The following ARHGEF37 variants were observed in gnomAD, a reference collection of about 807,000 sequenced individuals.
ARHGEF37 encodes Rho guanine nucleotide exchange factor (GEF) 37.
ARHGEF37 carries 55 observed loss-of-function variants against 71.1 expected under a neutral mutation model. The observed-to-expected ratio is 0.77, with a 90% CI of 0.62 to 0.97. The LOEUF (loss-of-function observed/expected upper bound fraction) is 0.97, where lower values mean the gene tolerates loss of function less well. Among genes scored for constraint, ARHGEF37 ranks in the 50% least tolerant of loss-of-function variants. ARHGEF37 has a pLI of 0.00. For missense variants in ARHGEF37, 765 were observed against 836.8 expected, an observed-to-expected ratio of 0.91 and a Z score of 1.06; for synonymous variants, 327 against 350.6, an observed-to-expected ratio of 0.93 and a Z score of 0.75.
At chr5:149,603,355 A>G (rs1399319297) in intron 3 of ARHGEF37, among the ~76,000 whole-genome samples, 1 of 152,216 alleles carries the variant, frequency 6.6e-6, no homozygotes, top group African/African-American at 2.4e-5. Context: ...AGATACCATT[A>G]TCTCATTTTA....
In ARHGEF37 at chr5:149,618,265, C is replaced by G. The variant is rs539105513; in HGVS notation, c.748C>G (p.Leu250Val). Residue 250 changes from leucine (L) to valine (V), a missense_variant, in exon 6 of 13, where the codon CTG becomes GTG. Physicochemically the swap from Leu to Val is conservative, Grantham distance 32. Coordinates refer to ENST00000333677, the MANE Select transcript of ARHGEF37 (RefSeq NM_001001669.3). ...CACCCTCTCCAAGAAGACCACCCGGCTGAGCCAGCTGCTGAAGCAGGAGGC... is the reference window on the plus strand; with the variant it reads ...CACCCTCTCCAAGAAGACCACCCGGGTGAGCCAGCTGCTGAAGCAGGAGGC... ...THTLSKKTTR[L>V]SQLLKQEAGL... 2 of 1,614,118 alleles carry G rather than the reference C, an allele frequency of 1.2e-6. No individual in the cohort carries two copies. The highest frequency in any genetic ancestry group is 1.1e-5 in the South Asian group (1 of 91,086).
At chr5:149,559,400 G>A (rs979702359) in intron 1 of ARHGEF37, among the ~76,000 whole-genome samples, 3 of 152,120 alleles carry the variant, frequency 2.0e-5, no homozygotes, top group Non-Finnish European at 4.4e-5. Flanking sequence ...GTGATTTGTC[G>A]GAGACCTGTT....
At chr5:149,555,626 G>C (rs1472572959) in intron 1 of ARHGEF37, among the ~76,000 whole-genome samples, 9 of 152,144 alleles carry the variant, frequency 5.9e-5, no homozygotes, top group Admixed American at 5.9e-4. Context: ...GCAATTTAGA[G>C]TACTTTCACA....
Position 149,624,044 on chromosome 5 carries a change from C to T in ARHGEF37, c.1368C>T (p.Phe456=). ...ACCACCACGTCCCAGAGCCTGCCTT[C>T]AGGAAGCTGGTGGAGGACGCACTGG... ...LPHHHVPEPA[F]RKLVEDALGR... is the part of the protein sequence containing the mutation. Residue 456 remains phenylalanine (F), a synonymous_variant, in exon 10 of 13, where the codon TTC becomes TTT. Transcript: ENST00000333677. 1 of 1,607,022 alleles carries T rather than the reference C, an allele frequency of 6.2e-7. No homozygotes were observed. The highest frequency in any genetic ancestry group is 8.5e-7 in the Non-Finnish European group (1 of 1,174,092).
intron 1 of ARHGEF37, among the ~76,000 whole-genome samples, chr5:149,573,433 A>C (rs1762990832): frequency 6.6e-6 from 1 of 151,250 alleles, no homozygotes; most frequent in Admixed American, 6.6e-5. Flanking sequence ...ACATTTCCTT[A>C]CTTCATTCAC....
In ARHGEF37 at chr5:149,633,319, C is replaced by G. The variant is rs1222309462; in HGVS notation, c.*1128C>G. On this transcript the variant is annotated 3_prime_UTR_variant, in exon 13 of 13. Transcript: ENST00000333677. ...GTGGCCCCCGGCATGCTGCCCTCCC[C>G]CACGCCCATGCCTGTGGCAGCAAAC... is the stretch of plus-strand genomic sequence containing the variant. 1 of 152,438 alleles carries G rather than the reference C, an allele frequency of 6.6e-6. No individual in the cohort carries two copies. The allele number at this position is 152,438 out of a possible 1,614,324, so 9.4% of individuals were successfully genotyped here. A position where few individuals can be genotyped will look rare whatever the true frequency, so the allele number is the denominator to read the frequency against.
At chr5:149,626,898 G>A (rs1326562935) in intron 10 of ARHGEF37, 178 bp from the exon 11 acceptor site, 1 of 492,530 alleles carries the variant, frequency 2.0e-6, no homozygotes, top group Non-Finnish European at 3.5e-6. Context: ...GCCGTAGGCT[G>A]CTAAGAGCCA....
intron 1 of ARHGEF37, among the ~76,000 whole-genome samples, chr5:149,592,451 TC>T (rs1385856079): frequency 6.6e-6 from 1 of 152,230 alleles, no homozygotes; most frequent in Non-Finnish European, 1.5e-5. Context: ...TCGAGAGCCA[TC>T]CAAGCTGTTG....
At chr5:149,626,928 C>T (rs967754017) in intron 10 of ARHGEF37, 148 bp from the exon 11 acceptor site, 1 of 639,174 alleles carries the variant, frequency 1.6e-6, no homozygotes, top group Non-Finnish European at 2.5e-6. Context: ...TAGTGAGGGC[C>T]CTGTTGCCCT....
rs996301352 is a variant in ARHGEF37, at chr5:149,627,136, A to G, written c.1525A>G (p.Lys509Glu). The change falls in exon 11 of 13, where the codon AAG becomes GAG. Residue 509 changes from lysine (K) to glutamate (E), a missense_variant. This residue lies in a region of ARHGEF37 where 390 missense variants were observed against 407.4 expected (regional missense o/e 0.96). Coordinates refer to ENST00000333677, the MANE Select transcript of ARHGEF37 (RefSeq NM_001001669.3). ...QALLSRYGPG[K>E]LYQVTSNISG... The stretch of plus-strand genomic sequence containing the variant: ...TCTCCTGAGCAGGTATGGCCCTGGG[A>G]AGCTGTACCAGGTGACAAGCAACAT... 3.1e-6 allele frequency: 5 copies of G among 1,614,156 alleles called. No homozygotes were observed. Among genetic ancestry groups the G allele is most frequent in the Non-Finnish European group, 3.4e-6 (4 of 1,180,040 alleles).
chr5:149,569,924 T>C (rs764969574), intron 1 of ARHGEF37, among the ~76,000 whole-genome samples: 1 of 152,198 alleles, frequency 6.6e-6, no homozygotes, highest in Non-Finnish European at 1.5e-5. Context: ...CCTGACCATA[T>C]GTTTAACTTT....
chr5:149,628,053 C>T (rs1002302383), intron 11 of ARHGEF37, among the ~76,000 whole-genome samples: 20 of 152,098 alleles, frequency 1.3e-4, no homozygotes, highest in African/African-American at 3.9e-4. Context: ...ATTAAGAAAG[C>T]GGTACAAATC....
At chr5:149,627,792 G>A (rs1167130460) in intron 11 of ARHGEF37, among the ~76,000 whole-genome samples, 1 of 152,224 alleles carries the variant, frequency 6.6e-6, no homozygotes, top group African/African-American at 2.4e-5. Flanking sequence ...GTGGCACCAT[G>A]AATCCAGGTG....
rs761548819 is a variant in ARHGEF37 at position 149,601,186 on chromosome 5, C to G, written c.265C>G (p.Leu89Val). The change falls in exon 3 of 13, where the codon CTG (leucine) becomes GTG (valine). Residue 89 changes from leucine to valine, a missense_variant. Physicochemically the swap from Leu to Val is conservative, Grantham distance 32 (BLOSUM62 1). Around this residue, in one of 5 missense-constraint regions of ARHGEF37, gnomAD observed 201 missense variants for 217.5 expected, o/e 0.92. Coordinates refer to ENST00000333677, the MANE Select transcript of ARHGEF37 (RefSeq NM_001001669.3). ...AGTGAACAGCAGATTCCTCCATGAT[C>G]TGCAGGAGACAGCCTCCAAGGAAGA... ...IKVNSRFLHD[L>V]QETASKEEEQ... is the part of the protein sequence containing the mutation. 8.7e-6 allele frequency: 14 copies of G among 1,613,164 alleles called. 1 individual carries two copies. The South Asian group carries it at 1.4e-4, about 16-fold the overall frequency.
rs74564350 is a variant in ARHGEF37, at chr5:149,570,604, G to A, written c.-12+18481G>A. On this transcript the variant is annotated intron_variant, in intron 1 of 2. Coordinates refer to the ARHGEF37 transcript ENST00000505810. ...AAAAAAAAAAAAAGTTTGGCCAGGC[G>A]CGGTGGCTCACACCTGTAATCCCAA... 0.016 allele frequency among the ~76,000 whole-genome samples: 2,386 copies of A among 150,816 alleles called. 261 individuals carry two copies. The East Asian group carries it at 0.31, about 20-fold the overall frequency.
chr5:149,611,164 G>T (rs1293863265), intron 4 of ARHGEF37, among the ~76,000 whole-genome samples: 9 of 152,180 alleles, frequency 5.9e-5, no homozygotes, highest in Non-Finnish European at 1.5e-5. Context: ...GGTCTTAGCT[G>T]GGAACTGGCA....
chr5:149,618,328 A>G, intron 6 of ARHGEF37, 22 bp downstream of exon 6: 1 of 1,613,810 alleles, frequency 6.2e-7, no homozygotes, highest in Non-Finnish European at 8.5e-7. Flanking sequence ...CCTGGGAGGA[A>G]GAGTCACATC....
intron 1 of ARHGEF37, among the ~76,000 whole-genome samples, chr5:149,586,264 G>GT (rs1444875651): frequency 6.6e-6 from 1 of 152,060 alleles, no homozygotes; most frequent in East Asian, 1.9e-4. Flanking sequence ...ATGTTTTTCT[G>GT]TTTTTTGTTT....
At chr5:149,595,817 A>G (rs1189725322) in intron 1 of ARHGEF37, among the ~76,000 whole-genome samples, 1 of 152,096 alleles carries the variant, frequency 6.6e-6, no homozygotes, top group Non-Finnish European at 1.5e-5. Context: ...TGTAGCATTG[A>G]TTTGGACCTA....
Sources: gnomAD v4.1 joint callset for allele counts (sites outside exome capture counted in the v4.1 genomes callset) on GRCh38, gnomAD v4.1.1 for gene constraint, gnomAD v4.1.1 regional missense constraint, MANE v1.5 for transcripts, NCBI Gene and HGNC (gene_info 2026-07-23, HGNC 2026-07-21) for gene names.